CLCN1: variants seen among roughly 807,000 people sequenced by gnomAD.
CLCN1 encodes the protein chloride channel protein 1.
A neutral mutation model predicts 114.5 loss-of-function variants in CLCN1; 100 were observed. The observed-to-expected ratio is 0.87, with a 90% confidence interval of 0.74 to 1.03. CLCN1 has a LOEUF of 1.03. CLCN1 is among the 50% of genes least tolerant of loss of function. The probability of loss-of-function intolerance (pLI) is 0.00; values close to 1 mark genes in which losing one functional copy is unlikely to be tolerated. For missense variants in CLCN1, 1,188 were observed against 1,250.0 expected (o/e 0.95, Z 0.75); for synonymous variants, 485 against 487.1 (o/e 1.00, Z 0.06).
chr7:143,350,374 T>C lies in CLCN1; in HGVS notation c.2406T>C (p.Ile802=). The C allele has an allele frequency of 1.2e-6, 2 of 1,613,356 alleles. No individual in the cohort carries two copies. Among genetic ancestry groups the C allele is most frequent in the Middle Eastern group, 1.7e-4 (1 of 6,054 alleles). ...DLVDNMSPEE[I]EAWEQEQLSQ... ...GACTTTCCTCCTCTGGCTGACAGATTGAGGCCTGGGAGCAGGAGCAGCTGA... is the reference window on the plus strand; with the variant it reads ...GACTTTCCTCCTCTGGCTGACAGATCGAGGCCTGGGAGCAGGAGCAGCTGA... The change falls in exon 21 of 23, where the codon ATT becomes ATC. Residue 802 remains isoleucine (I), a splice_region_variant and synonymous_variant. Coordinates refer to ENST00000343257, the MANE Select transcript of CLCN1 (RefSeq NM_000083.3). The surrounding 1 kb of genome is among the most constrained non-coding windows in gnomAD (Gnocchi z 5.1).
rs1251053995 is a variant in CLCN1 at position 143,351,637 on chromosome 7, T to C, written c.2639T>C (p.Leu880Pro). ...GGGCACACCAAGTCTGGGGTGCAGC[T>C]CCGCCCTCCCCTTGCCAGCTTCCGG... is the stretch of plus-strand genomic sequence containing the variant. ...IEGHTKSGVQ[L>P]RPPLASFRNT... is the part of the protein sequence containing the mutation. The change falls in exon 23 of 23, where the codon CTC becomes CCC. Residue 880 changes from leucine to proline, a missense_variant. Leu to Pro is a moderately conservative substitution (Grantham distance 98). Transcript: ENST00000343257. The C allele has an allele frequency of 1.2e-6, 2 of 1,614,132 alleles. No individual in the cohort carries two copies. The highest frequency in any genetic ancestry group is 1.7e-6 in the Non-Finnish European group (2 of 1,180,012).
At chr7:143,338,936 T>G (rs1246925073) in intron 12 of CLCN1, among the ~76,000 whole-genome samples, 1 of 152,204 alleles carries the variant, frequency 6.6e-6, no homozygotes, top group Non-Finnish European at 1.5e-5. Flanking sequence ...GGGGCTCTTT[T>G]GGGGCAGAGA....
At chr7:143,318,886 G>T (rs1586482063) in intron 1 of CLCN1, among the ~76,000 whole-genome samples, 1 of 152,220 alleles carries the variant, frequency 6.6e-6, no homozygotes, top group South Asian at 2.1e-4. Context: ...CAGGACTGCG[G>T]TGTAAAATGC....
intron 16 of CLCN1, 76 bp downstream of exon 16, chr7:143,342,581 T>C: frequency 2.0e-6 from 3 of 1,491,786 alleles, no homozygotes; most frequent in South Asian, 1.1e-5. Flanking sequence ...GGAGGCCCCA[T>C]GGTGGGGGCT....
intron 2 of CLCN1, among the ~76,000 whole-genome samples, chr7:143,320,252 G>GCCACCAT: frequency 6.6e-6 from 1 of 152,206 alleles, no homozygotes; most frequent in Non-Finnish European, 1.5e-5. Flanking sequence ...TGGGATTAGA[G>GCCACCAT]GCGTGAGCCA....
chr7:143,335,658 TTTG>T (rs1280401727), intron 12 of CLCN1, among the ~76,000 whole-genome samples: 1 of 110,064 alleles, frequency 9.1e-6, no homozygotes, highest in African/African-American at 3.4e-5. Flanking sequence ...ATTCAGCTGT[TTTG>T]TTTTTTTTTT....
Position 143,331,243 on chromosome 7 carries a change from G to T in CLCN1, c.991G>T (p.Ala331Ser). The change falls in exon 9 of 23, where the codon GCT (alanine) becomes TCT (serine). Residue 331 changes from alanine to serine, a missense_variant. By Grantham distance (99) the Ala-to-Ser change is moderately conservative. Transcript: ENST00000343257. ...VWNKDAVTIT[A>S]LFRTNFRMDF... ...TTTCCATCCTACAGTCACCATCACT[G>T]CTCTGTTCAGAACCAATTTCCGAAT... 3.7e-6 allele frequency: 6 copies of T among 1,611,518 alleles called. No homozygotes were observed. The highest frequency in any genetic ancestry group is 5.1e-6 in the Non-Finnish European group (6 of 1,177,620).
chr7:143,344,352 C>T (rs1011843747), intron 16 of CLCN1, among the ~76,000 whole-genome samples: 65 of 152,168 alleles, frequency 4.3e-4, no homozygotes, highest in Middle Eastern at 6.8e-3. Flanking sequence ...TAGGTATCTA[C>T]TAGATATTAA....
In CLCN1 at chr7:143,339,654, C is replaced by A; in HGVS notation, c.1582+33C>A. ...ACATTCCCACTTCCCTGTAATCAAA[C>A]ATTGAGTACTTCAGATCCCCACACT... On this transcript the variant is annotated intron_variant, in intron 14 of 22. Transcript: ENST00000343257. The surrounding 1 kb of genome is among the most constrained non-coding windows in gnomAD (Gnocchi z 4.1). The A allele has an allele frequency of 7.9e-7, 1 of 1,261,094 alleles. No individual in the cohort carries two copies. Among genetic ancestry groups the A allele is most frequent in the Non-Finnish European group, 1.2e-6 (1 of 857,800 alleles). The allele number at this position is 1,261,094 out of a possible 1,614,324, so 78.1% of individuals were successfully genotyped here.
In CLCN1 at chr7:143,352,070, C is replaced by T. The variant is rs370378344; in HGVS notation, c.*105C>T. Reference sequence around the variant, plus strand: ...GAATGTGGCGAGGTCATGCCAATGTCGTGGCCTCTTCCAGGAATTTTTTAA... The same window carrying T: ...GAATGTGGCGAGGTCATGCCAATGTTGTGGCCTCTTCCAGGAATTTTTTAA... On this transcript the variant is annotated 3_prime_UTR_variant, in exon 23 of 23. Coordinates refer to ENST00000343257, the MANE Select transcript of CLCN1 (RefSeq NM_000083.3). 1,242 of 1,439,598 alleles carry T rather than the reference C, an allele frequency of 8.6e-4. 3 individuals are homozygous for T. The highest frequency in any genetic ancestry group is 4.8e-3 in the East Asian group (212 of 43,806). The allele number at this position is 1,439,598 out of a possible 1,614,324, so 89.2% of individuals were successfully genotyped here.
rs753967995 is a variant in CLCN1 at position 143,346,241 on chromosome 7, A to G, written c.2274A>G (p.Pro758=). 2 of 1,609,282 alleles carry G rather than the reference A, an allele frequency of 1.2e-6. No individual in the cohort carries two copies. Among genetic ancestry groups the G allele is most frequent in the South Asian group, 2.2e-5 (2 of 90,970 alleles). Residue 758 remains proline (P), a synonymous_variant, in exon 18 of 23, where the codon CCA becomes CCG. Transcript: ENST00000343257. The part of the protein sequence containing the change: ...LPGHKQQPEA[P]EPAGQRPSIF... ...GCCACAAACAGCAGCCGGAAGCACC[A>G]GAGCCTGCAGGTGACGCTCTTCCCT...
chr7:143,319,736 T>C lies in CLCN1; in HGVS notation c.181-19T>C. On this transcript the variant is annotated intron_variant, in intron 1 of 22. Coordinates refer to ENST00000343257, the MANE Select transcript of CLCN1 (RefSeq NM_000083.3). ...TAGTCTTCCACAAGGCAGACACTGA[T>C]CATTCTCTCTCTGTCCAGATTTATG... The C allele has an allele frequency of 6.2e-7, 1 of 1,613,562 alleles. No homozygotes were observed.
intron 18 of CLCN1, 92 bp downstream of exon 18, chr7:143,346,343 C>T (rs989113234): frequency 1.5e-5 from 8 of 547,010 alleles, no homozygotes; most frequent in African/African-American, 7.8e-5. Flanking sequence ...AATTCCTATG[C>T]GGGGTGGGGT....
chr7:143,342,637 A>G (rs1188211648), intron 16 of CLCN1, 132 bp downstream of exon 16: 11 of 895,326 alleles, frequency 1.2e-5, no homozygotes, highest in East Asian at 5.2e-5. Context: ...GGAAGGAAAA[A>G]TTAAGCCATA....
chr7:143,342,876 T>G (rs758999775), intron 16 of CLCN1, among the ~76,000 whole-genome samples: 2 of 151,728 alleles, frequency 1.3e-5, no homozygotes, highest in Admixed American at 6.6e-5. Context: ...GAGGTTGCGA[T>G]GAGCCGAGAA....
Position 143,321,263 on chromosome 7 carries a change from CAGAA to C in CLCN1, c.434-101_434-98del. 7.1e-7 allele frequency: 1 copy of C among 1,411,952 alleles called. No individual in the cohort carries two copies. The highest frequency in any genetic ancestry group is 9.8e-7 in the Non-Finnish European group (1 of 1,019,130). 87.5% of individuals were successfully genotyped at this position (1,411,952 alleles called of 1,614,324 possible). ...GCAGCACCATCTCAGAAGGGGCACA[CAGAA>C]GGAGCACGGCCTGAGAACATGCCGG... On this transcript the variant is annotated intron_variant, in intron 3 of 22. Transcript: ENST00000343257. This position sits in a 1 kb window ranked among gnomAD's most constrained non-coding sequence, Gnocchi z 4.2.
intron 12 of CLCN1, among the ~76,000 whole-genome samples, chr7:143,334,212 A>C (rs1586501341): frequency 8.3e-6 from 1 of 120,370 alleles, no homozygotes; most frequent in East Asian, 2.1e-4. Flanking sequence ...ACACTCCTCA[A>C]GAAAAAAAAA....
Position 143,321,784 on chromosome 7 carries a change from C to T in CLCN1, c.632C>T (p.Ala211Val), listed in dbSNP as rs761511512. The change falls in exon 5 of 23, where the codon GCC becomes GTC. Residue 211 changes from alanine (A) to valine (V), a missense_variant. By Grantham distance (64) the Ala-to-Val change is moderately conservative. Transcript: ENST00000343257. The surrounding 1 kb of genome is among the most constrained non-coding windows in gnomAD (Gnocchi z 4.2). ...CTGAAGGAATACCTCACAATGAAAG[C>T]CTTTGTGGCCAAGGTTGTCGCCCTG... ...VVLKEYLTMK[A>V]FVAKVVALTA... The T allele has an allele frequency of 3.1e-6, 5 of 1,614,114 alleles. No individual in the cohort carries two copies. Among genetic ancestry groups the T allele is most frequent in the Admixed American group, 1.7e-5 (1 of 60,006 alleles).
intron 7 of CLCN1, among the ~76,000 whole-genome samples, chr7:143,329,643 T>C (rs1401041939): frequency 6.6e-6 from 1 of 152,162 alleles, no homozygotes; most frequent in Non-Finnish European, 1.5e-5. Context: ...AGGTGCTGCC[T>C]GAAGAGGGCG....
Sources: allele counts gnomAD v4.1 joint callset (sites outside exome capture counted in the v4.1 genomes callset), GRCh38; gene constraint gnomAD v4.1.1; non-coding constraint Gnocchi (gnomAD v3.1); transcripts MANE v1.5; gene names NCBI Gene and HGNC (gene_info 2026-07-23, HGNC 2026-07-21).